The following TTC4 variants were observed in gnomAD, a reference collection of about 807,000 sequenced individuals.
The protein encoded by TTC4 is hsp70/Hsp90 co-chaperone CNS1 homolog.
A neutral mutation model predicts 51.9 loss-of-function variants in TTC4; 36 were observed. That is an observed-to-expected ratio of 0.69 (90% CI 0.53 to 0.92). TTC4 has a LOEUF of 0.92. TTC4 is among the 40% of genes least tolerant of loss of function. The probability of loss-of-function intolerance (pLI) is 0.00; values close to 1 mark genes in which losing one functional copy is unlikely to be tolerated. For synonymous variants in TTC4, 144 were observed against 164.2 expected, an observed-to-expected ratio of 0.88 and a Z score of 0.94; for missense variants, 399 against 454.6, an observed-to-expected ratio of 0.88 and a Z score of 1.11.
chr1:54,738,660 C>CATTTTTTTT (rs1645976237), intron 9 of TTC4, among the ~76,000 whole-genome samples: 1 of 130,066 alleles, frequency 7.7e-6, no homozygotes, highest in African/African-American at 3.2e-5. Context: ...GCTAGGATGG[C>CATTTTTTTT]CTTTTTTTTT....
At chr1:54,719,107 C>T (rs1300318184) in intron 3 of TTC4, among the ~76,000 whole-genome samples, 1 of 152,160 alleles carries the variant, frequency 6.6e-6, no homozygotes, top group Non-Finnish European at 1.5e-5. Context: ...GGGTTCCAGT[C>T]CAGAGACCTA....
chr1:54,735,297 C>A (rs1421387778), intron 8 of TTC4, among the ~76,000 whole-genome samples: 1 of 151,956 alleles, frequency 6.6e-6, no homozygotes, highest in East Asian at 1.9e-4. Flanking sequence ...CGGCTCACTG[C>A]AGCCTCTGCC....
chr1:54,725,672 C>T (rs978954985), intron 5 of TTC4, among the ~76,000 whole-genome samples: 1 of 152,080 alleles, frequency 6.6e-6, no homozygotes, highest in Non-Finnish European at 1.5e-5. Context: ...AGACTTTAAA[C>T]CAGCTAATTT....
Position 54,731,667 on chromosome 1 carries a change from C to T in TTC4, c.863C>T (p.Ser288Leu), listed in dbSNP as rs141407240. The T allele has an allele frequency of 5.8e-5, 94 of 1,613,950 alleles. No individual in the cohort carries two copies. The highest frequency in any genetic ancestry group is 3.3e-4 in the Middle Eastern group (2 of 6,084). Residue 288 changes from serine (S) to leucine (L), a missense_variant, in exon 7 of 10, where the codon TCG becomes TTG. Ser to Leu is a moderately radical substitution (Grantham distance 145). Around this residue, in one of 3 missense-constraint regions of TTC4, gnomAD observed 316 missense variants for 349.6 expected, o/e 0.90. Coordinates refer to ENST00000371281, the MANE Select transcript of TTC4 (RefSeq NM_004623.5). ...TTTCTGTACCCAGAGTATGCCCAGT[C>T]GGACTTCATCTCTGCTTTTCATGAG... Reference protein sequence around the residue: ...VLFLYPEYAQSDFISAFHEDS... With the variant: ...VLFLYPEYAQLDFISAFHEDS...
intron 1 of TTC4, 84 bp from the exon 2 acceptor site, chr1:54,716,516 A>T (rs373170164): frequency 9.3e-7 from 1 of 1,074,198 alleles, no homozygotes; most frequent in South Asian, 1.5e-5. Flanking sequence ...CATGATGAGT[A>T]AAAAAACTTT....
chr1:54,736,223 A>AGAGG (rs71048706), intron 8 of TTC4, among the ~76,000 whole-genome samples: 2 of 87,738 alleles, frequency 2.3e-5, no homozygotes, highest in Non-Finnish European at 4.5e-5. Flanking sequence ...AGAGAGAGAG[A>AGAGG]AGAGGAGAGG....
At chr1:54,726,835 T>A (rs1247685122) in intron 5 of TTC4, among the ~76,000 whole-genome samples, 1 of 151,866 alleles carries the variant, frequency 6.6e-6, no homozygotes, top group Non-Finnish European at 1.5e-5. Flanking sequence ...TGCAGTGGTA[T>A]GATCATGGCT....
At chr1:54,731,361 A>T (rs910907530) in intron 6 of TTC4, 125 bp from the exon 7 acceptor site, 8 of 851,820 alleles carry the variant, frequency 9.4e-6, no homozygotes, top group Non-Finnish European at 1.4e-5. Flanking sequence ...TTCAAAAAAT[A>T]AAAATAAATA....
Position 54,721,252 on chromosome 1 carries a change from G to T in TTC4, c.469+12G>T. On this transcript the variant is annotated intron_variant, in intron 4 of 9. Coordinates refer to ENST00000371281, the MANE Select transcript of TTC4 (RefSeq NM_004623.5). The stretch of plus-strand genomic sequence containing the variant: ...AGCAATAATAAGAGGTAAGTCTTGT[G>T]GAACTACAGTATGACATTTAAAGCT... The T allele has an allele frequency of 6.2e-7, 1 of 1,611,860 alleles. No individual in the cohort carries two copies. Among genetic ancestry groups the T allele is most frequent in the Non-Finnish European group, 8.5e-7 (1 of 1,178,516 alleles).
intron 8 of TTC4, among the ~76,000 whole-genome samples, chr1:54,736,217 AG>A (rs1345607832): frequency 8.0e-6 from 1 of 125,178 alleles, no homozygotes; most frequent in Non-Finnish European, 1.6e-5. Context: ...AGAGAGAGAG[AG>A]AGAGAAGAGG....
intron 8 of TTC4, among the ~76,000 whole-genome samples, chr1:54,736,180 GA>G (rs1325315935): frequency 1.3e-4 from 3 of 23,246 alleles, no homozygotes; most frequent in South Asian, 2.5e-3. Flanking sequence ...AGAAAGGAGA[GA>G]GAGAGAGAGA....
At chr1:54,719,847 G>C (rs571195825) in intron 3 of TTC4, among the ~76,000 whole-genome samples, 68 of 151,172 alleles carry the variant, frequency 4.5e-4, no homozygotes, top group Non-Finnish European at 7.8e-4. Context: ...CTAGGACTCA[G>C]AGTCCACCCC....
intron 6 of TTC4, among the ~76,000 whole-genome samples, chr1:54,730,979 A>T (rs926707866): frequency 2.0e-5 from 3 of 152,078 alleles, no homozygotes; most frequent in Non-Finnish European, 4.4e-5. Context: ...CGTCTATGGT[A>T]CTACAACTCC....
rs1557753046 is a variant in TTC4, at chr1:54,736,232, G to GT, written c.979-1350_979-1349insT. On this transcript the variant is annotated intron_variant, in intron 8 of 9. Coordinates refer to ENST00000371281, the MANE Select transcript of TTC4 (RefSeq NM_004623.5). ...AGAGAGAGAGAGAGAGAAGAGGAGA[G>GT]GAGAGAGAAGAGAGGAGAGAGGAGA... 1.3e-3 allele frequency among the ~76,000 whole-genome samples: 180 copies of GT among 134,126 alleles called. 16 individuals are homozygous for GT. Among genetic ancestry groups the GT allele is most frequent in the African/African-American group, 5.0e-3 (157 of 31,636 alleles). 88.0% of individuals were successfully genotyped at this position (134,126 alleles called of 152,430 possible).
chr1:54,741,683 G>T lies in TTC4; in HGVS notation c.*170G>T, dbSNP rs2101381128. 1 of 618,664 alleles carries T rather than the reference G, an allele frequency of 1.6e-6. No homozygotes were observed. Among genetic ancestry groups the T allele is most frequent in the Non-Finnish European group, 2.8e-6 (1 of 351,584 alleles). The allele number at this position is 618,664 out of a possible 1,614,324, so 38.3% of individuals were successfully genotyped here. The stretch of plus-strand genomic sequence containing the variant: ...GAGCCTCTGGCTTCCCTAAACTGCA[G>T]CCTCTCTGGCTGGTCTTCACTTTCC... On this transcript the variant is annotated 3_prime_UTR_variant, in exon 10 of 10. Transcript: ENST00000371281.
rs1645680222 is a variant in TTC4 at position 54,716,632 on chromosome 1, A to G, written c.144A>G (p.Arg48=). The G allele has an allele frequency of 6.2e-7, 1 of 1,613,642 alleles. No individual in the cohort carries two copies. The highest frequency in any genetic ancestry group is 1.7e-5 in the Admixed American group (1 of 59,948). ...EFEKVPLFMS[R]APSEIDPREN... is the part of the protein sequence containing the mutation. ...AAAAGGTCCCCCTATTTATGTCGAG[A>G]GCGCCATCAGAAATTGATCCCAGGG... Residue 48 remains arginine (R), a synonymous_variant, in exon 2 of 10, where the codon AGA becomes AGG. Transcript: ENST00000371281.
rs1215207181 is a variant in TTC4 at position 54,742,447 on chromosome 1, T to G, written c.*934T>G. The G allele has an allele frequency of 2.0e-5, 3 of 152,394 alleles. No individual in the cohort carries two copies. Among genetic ancestry groups the G allele is most frequent in the African/African-American group, 7.2e-5 (3 of 41,578 alleles). The allele number at this position is 152,394 out of a possible 1,614,324, so 9.4% of individuals were successfully genotyped here. A position where few individuals can be genotyped will look rare whatever the true frequency, so the allele number is the denominator to read the frequency against. On this transcript the variant is annotated 3_prime_UTR_variant, in exon 10 of 10. Coordinates refer to ENST00000371281, the MANE Select transcript of TTC4 (RefSeq NM_004623.5). The stretch of plus-strand genomic sequence containing the variant: ...AGAAGCCTGAAGAGTCATGTGTGGT[T>G]GGCCTGTGCTCTTCCCTCTGCTGTG...
chr1:54,718,554 G>GA (rs1645703975), intron 3 of TTC4, among the ~76,000 whole-genome samples: 1 of 152,038 alleles, frequency 6.6e-6, no homozygotes, highest in Non-Finnish European at 1.5e-5. Flanking sequence ...GGAGATTGAG[G>GA]AAGTTTGGAA....
intron 8 of TTC4, among the ~76,000 whole-genome samples, chr1:54,735,996 A>G (rs1258538721): frequency 6.6e-6 from 1 of 151,974 alleles, no homozygotes; most frequent in Non-Finnish European, 1.5e-5. Flanking sequence ...GGAATTAGCT[A>G]TTTTTTCCCA....
Sources: gnomAD v4.1 joint callset for allele counts (sites outside exome capture counted in the v4.1 genomes callset) on GRCh38, gnomAD v4.1.1 for gene constraint, gnomAD v4.1.1 regional missense constraint, MANE v1.5 for transcripts, NCBI Gene and HGNC (gene_info 2026-07-23, HGNC 2026-07-21) for gene names.